Variants in DEPDC4 observed in about 807,000 individuals in gnomAD.
DEPDC4 encodes DEP domain containing 4, also known as DEP domain-containing protein 4.
In DEPDC4, 52 loss-of-function variants were observed where a neutral mutation model predicts 52.0. The ratio of observed to expected loss-of-function variants is 1.00; its 90% CI spans 0.80 to 1.26. The LOEUF is 1.26. Among genes scored for constraint, DEPDC4 ranks in the 50% most tolerant of loss-of-function variants. The probability of loss-of-function intolerance (pLI) is 0.00; values close to 1 mark genes in which losing one functional copy is unlikely to be tolerated. For synonymous variants in DEPDC4, 201 were observed against 196.8 expected, an observed-to-expected ratio of 1.02 and a Z score of -0.18; for missense variants, 530 against 546.9, an observed-to-expected ratio of 0.97 and a Z score of 0.31.
intron 1 of DEPDC4, among the ~76,000 whole-genome samples, chr12:100,265,600 G>A (rs909547123): frequency 3.3e-5 from 5 of 151,888 alleles, no homozygotes; most frequent in Non-Finnish European, 7.4e-5. Context: ...TCTATTACCT[G>A]AAAAAAACAG....
intron 3 of DEPDC4, among the ~76,000 whole-genome samples, chr12:100,258,265 T>C (rs2096241912): frequency 6.6e-6 from 1 of 152,146 alleles, no homozygotes; most frequent in Admixed American, 6.5e-5. Context: ...GGAGGATACA[T>C]TTGAAGATAC....
At chr12:100,277,248 T>C in the DEPDC4 span, among the ~76,000 whole-genome samples, 1 of 152,234 alleles carries the variant, frequency 6.6e-6, no homozygotes, top group Non-Finnish European at 1.5e-5. Flanking sequence ...ATTTGTCATT[T>C]GTAGAGTGTG....
rs1209369188 is a variant in DEPDC4, at chr12:100,252,289, T to G, written c.1261A>C (p.Thr421Pro). Reference sequence around the variant, plus strand: ...TTGGCAAGAGTTTTCAGGACCACTGTTTTATTATCATACTGTAAACAGAAA... The same window carrying G: ...TTGGCAAGAGTTTTCAGGACCACTGGTTTATTATCATACTGTAAACAGAAA... ...YKLQKQYDNK[T>P]VVLKTLAKSV... The change falls in exon 7 of 10, where the codon ACA (threonine) becomes CCA (proline). Residue 421 changes from threonine to proline, a missense_variant. Coordinates refer to ENST00000550587, the MANE Select transcript of DEPDC4 (RefSeq NM_001364818.2). 1.6e-5 allele frequency: 23 copies of G among 1,446,856 alleles called. No homozygotes were observed. Among genetic ancestry groups the G allele is most frequent in the Middle Eastern group, 3.6e-4 (2 of 5,616 alleles). 89.6% of individuals were successfully genotyped at this position (1,446,856 alleles called of 1,614,324 possible).
chr12:100,243,132 G>C (rs535820566), intron 8 of DEPDC4, among the ~76,000 whole-genome samples: 1 of 152,022 alleles, frequency 6.6e-6, no homozygotes, highest in East Asian at 1.9e-4. Context: ...CAATATATTA[G>C]AGTAAAAGTT....
chr12:100,239,733 C>T (rs1337004581), downstream of DEPDC4, among the ~76,000 whole-genome samples: 1 of 152,030 alleles, frequency 6.6e-6, no homozygotes, highest in Non-Finnish European at 1.5e-5. Context: ...GCTGTGTTGC[C>T]CAGGCTGGCC....
At chr12:100,274,268 CAT>C in the DEPDC4 span, among the ~76,000 whole-genome samples, 104 of 152,316 alleles carry the variant, frequency 6.8e-4, no homozygotes, top group African/African-American at 2.1e-3. Context: ...TTTTGAATAA[CAT>C]GTGCTCCTCT....
At chr12:100,272,550 G>T in the DEPDC4 span, among the ~76,000 whole-genome samples, 10 of 151,852 alleles carry the variant, frequency 6.6e-5, no homozygotes, top group Admixed American at 2.0e-4. Context: ...TAAGTTTTTG[G>T]CCTGCATGTC....
chr12:100,273,076 A>G, the DEPDC4 span, among the ~76,000 whole-genome samples: 2 of 152,056 alleles, frequency 1.3e-5, no homozygotes, highest in East Asian at 3.9e-4. Flanking sequence ...CACCTTTAGT[A>G]TATCTTTCAC....
chr12:100,237,206 TC>T (rs2096142572), downstream of DEPDC4, among the ~76,000 whole-genome samples: 4 of 136,124 alleles, frequency 2.9e-5, no homozygotes, highest in Admixed American at 7.2e-5. Context: ...ATTTTCTTTT[TC>T]TTTTTTTTTT....
chr12:100,267,358 A>G (rs1347151074), upstream of DEPDC4: 2 of 327,222 alleles, frequency 6.1e-6, no homozygotes, highest in South Asian at 5.9e-5. Context: ...GGGCGGGGGG[A>G]AAGAGCCCCA....
Position 100,252,290 on chromosome 12 carries a change from T to C in DEPDC4, c.1260A>G (p.Lys420=). The change falls in exon 7 of 10, where the codon AAA becomes AAG. Residue 420 remains lysine (K), a synonymous_variant. Coordinates refer to ENST00000550587, the MANE Select transcript of DEPDC4 (RefSeq NM_001364818.2). ...TGGCAAGAGTTTTCAGGACCACTGT[T>C]TTATTATCATACTGTAAACAGAAAG... ...AYKLQKQYDN[K]TVVLKTLAKS... 16 of 1,447,610 alleles carry C rather than the reference T, an allele frequency of 1.1e-5. No individual in the cohort carries two copies. The highest frequency in any genetic ancestry group is 1.5e-5 in the Non-Finnish European group (16 of 1,101,976). 89.7% of individuals were successfully genotyped at this position (1,447,610 alleles called of 1,614,324 possible).
chr12:100,242,374 T>A (rs192239049), intron 9 of DEPDC4, 112 bp downstream of exon 9: 1 of 149,670 alleles, frequency 6.7e-6, no homozygotes, highest in African/African-American at 2.5e-5. Context: ...GATACACCTA[T>A]GGAAATAGCC....
At chr12:100,278,904 A>G in the DEPDC4 span, among the ~76,000 whole-genome samples, 2 of 152,168 alleles carry the variant, frequency 1.3e-5, no homozygotes, top group Non-Finnish European at 2.9e-5. Context: ...CTGGGATTAC[A>G]GGCGTGAGCC....
upstream of DEPDC4, among the ~76,000 whole-genome samples, chr12:100,271,193 T>C (rs1281683790): frequency 6.7e-6 from 1 of 148,518 alleles, no homozygotes; most frequent in Non-Finnish European, 1.5e-5. Flanking sequence ...AGCAGAAATG[T>C]ATATTTCAAG....
intron 7 of DEPDC4, among the ~76,000 whole-genome samples, chr12:100,250,660 G>T (rs1407181034): frequency 1.3e-5 from 2 of 152,162 alleles, no homozygotes; most frequent in East Asian, 3.9e-4. Context: ...GGTAGAGTGA[G>T]AAAGAGGAAA....
the DEPDC4 span, among the ~76,000 whole-genome samples, chr12:100,279,345 A>T: frequency 6.6e-6 from 1 of 152,324 alleles, no homozygotes. Flanking sequence ...TTAGGCAGTA[A>T]TGCTTGCTCG....
chr12:100,277,252 G>C, the DEPDC4 span, among the ~76,000 whole-genome samples: 2 of 152,226 alleles, frequency 1.3e-5, no homozygotes, highest in Non-Finnish European at 2.9e-5. Context: ...GTCATTTGTA[G>C]AGTGTGTGTT....
intron 3 of DEPDC4, among the ~76,000 whole-genome samples, chr12:100,258,312 GAAC>G (rs1385232183): frequency 6.6e-6 from 1 of 151,968 alleles, no homozygotes; most frequent in East Asian, 1.9e-4. Flanking sequence ...CCAAAAACAT[GAAC>G]AATAAGAGAG....
chr12:100,262,493 T>C (rs2096257114), intron 2 of DEPDC4, 84 bp from the exon 3 acceptor site: 4 of 1,100,642 alleles, frequency 3.6e-6, no homozygotes, highest in Non-Finnish European at 4.9e-6. Flanking sequence ...TATTAAAATT[T>C]ATTCATACAT....
Sources: allele counts gnomAD v4.1 joint callset (sites outside exome capture counted in the v4.1 genomes callset), GRCh38; gene constraint gnomAD v4.1.1; transcripts MANE v1.5; gene names NCBI Gene and HGNC (gene_info 2026-07-23, HGNC 2026-07-21).